The following LVRN variants were observed in gnomAD, a reference collection of about 807,000 sequenced individuals.
LVRN encodes laeverin.
In LVRN, 99 loss-of-function variants were observed where a neutral mutation model predicts 111.4. The observed-to-expected ratio is 0.89, with a 90% CI of 0.76 to 1.05. The LOEUF (loss-of-function observed/expected upper bound fraction) is 1.05. Ranked by LOEUF, LVRN falls within the 50% of genes least tolerant of loss-of-function variation. LVRN has a pLI of 0.00. For synonymous variants in LVRN, 488 were observed against 449.5 expected (o/e 1.09, Z -1.08); for missense variants, 1,414 against 1,206.8 (o/e 1.17, Z -2.54).
chr5:116,027,489 C>A lies in LVRN; in HGVS notation c.*1371C>A, dbSNP rs540432070. On this transcript the variant is annotated 3_prime_UTR_variant, in exon 20 of 20. Coordinates refer to ENST00000357872, the MANE Select transcript of LVRN (RefSeq NM_173800.5). ...CAGGGGAGGCTGTGGGACTTCACCA[C>A]GTGGACAAACGAAAGCACAGGCTAC... 1.3e-5 allele frequency: 2 copies of A among 152,180 alleles called. No homozygotes were observed. The highest frequency in any genetic ancestry group is 2.9e-5 in the Non-Finnish European group (2 of 68,028). The allele number at this position is 152,180 out of a possible 1,614,324, so 9.4% of individuals were successfully genotyped here. A position where few individuals can be genotyped will look rare whatever the true frequency, so the allele number is the denominator to read the frequency against.
At chr5:116,020,287 C>T (rs894973302) in intron 18 of LVRN, among the ~76,000 whole-genome samples, 7 of 152,134 alleles carry the variant, frequency 4.6e-5, no homozygotes, top group Non-Finnish European at 7.3e-5. Flanking sequence ...GTACACATAG[C>T]TATGAATAGG....
At chr5:116,003,764 G>A (rs1462575666) in intron 12 of LVRN, among the ~76,000 whole-genome samples, 4 of 151,956 alleles carry the variant, frequency 2.6e-5, no homozygotes, top group African/African-American at 9.7e-5. Flanking sequence ...TGTATTTTTA[G>A]TAGAGACGGG....
chr5:116,001,339 C>A, intron 10 of LVRN, 100 bp downstream of exon 10: 1 of 1,332,984 alleles, frequency 7.5e-7, no homozygotes, highest in Non-Finnish European at 1.1e-6. Flanking sequence ...CCCCGCTGGG[C>A]ATACACACTT....
chr5:115,982,043 GA>G (rs1753570554), intron 1 of LVRN, among the ~76,000 whole-genome samples: 1 of 152,184 alleles, frequency 6.6e-6, no homozygotes, highest in Non-Finnish European at 1.5e-5. Context: ...GTCTTACAGA[GA>G]AAGTAGCTGG....
chr5:116,022,449 G>C lies in LVRN; in HGVS notation c.2815G>C (p.Asp939His). The change falls in exon 19 of 20, where the codon GAT becomes CAT. Residue 939 changes from aspartate to histidine, a missense_variant. By Grantham distance (81) the Asp-to-His change is moderately conservative (BLOSUM62 -1). Coordinates refer to ENST00000357872, the MANE Select transcript of LVRN (RefSeq NM_173800.5). ...IYTIGRTVTT[D>H]LQIVELQQFF... is the part of the protein sequence containing the mutation. ...TACAATAGGGAGAACCGTAACTACA[G>C]ATTTACAGATTGTGGAGGTAAGTAC... is the stretch of plus-strand genomic sequence containing the variant. 1 of 1,554,228 alleles carries C rather than the reference G, an allele frequency of 6.4e-7. No homozygotes were observed. The highest frequency in any genetic ancestry group is 8.8e-7 in the Non-Finnish European group (1 of 1,141,688).
chr5:115,965,048 C>T (rs576010724), intron 1 of LVRN, among the ~76,000 whole-genome samples: 5 of 152,298 alleles, frequency 3.3e-5, no homozygotes, highest in Admixed American at 2.0e-4. Context: ...AGTCTCTTAA[C>T]CTCTCTGAGT....
At chr5:116,018,527 C>A (rs963417029) in intron 18 of LVRN, among the ~76,000 whole-genome samples, 1 of 151,962 alleles carries the variant, frequency 6.6e-6, no homozygotes, top group Admixed American at 6.6e-5. Context: ...ACAAAAGTAG[C>A]CAGGCATGGT....
Position 116,015,245 on chromosome 5 carries a change from T to G in LVRN, c.2451-7T>G. On this transcript the variant is annotated splice_polypyrimidine_tract_variant and splice_region_variant and intron_variant, in intron 16 of 19. Transcript: ENST00000357872. ...TGAAAAATATCATTTTATGTTATAT[T>G]TTACAGAATACCTTATCCAATTAAA... 1 of 1,563,732 alleles carries G rather than the reference T, an allele frequency of 6.4e-7. No homozygotes were observed. Among genetic ancestry groups the G allele is most frequent in the South Asian group, 1.2e-5 (1 of 81,576 alleles).
At chr5:116,022,543 A>G in intron 19 of LVRN, 77 bp downstream of exon 19, 1 of 931,772 alleles carries the variant, frequency 1.1e-6, no homozygotes, top group Admixed American at 2.3e-5. Flanking sequence ...TGCTAAAATT[A>G]AAAATAATAT....
At position 116,015,625 on chromosome 5, in the gene LVRN, C is replaced by T; in HGVS notation, c.2619-3C>T. ...TGTATTTTTTGAAAATGCACTTTTG[C>T]AGATATATGGAGTATGCCATCAGCA... On this transcript the variant is annotated splice_polypyrimidine_tract_variant and splice_region_variant and intron_variant, in intron 17 of 19. Transcript: ENST00000357872. 1 of 1,585,296 alleles carries T rather than the reference C, an allele frequency of 6.3e-7. No individual in the cohort carries two copies. Among genetic ancestry groups the T allele is most frequent in the South Asian group, 1.2e-5 (1 of 85,072 alleles).
chr5:116,015,609 TGAAAATGCA>T lies in LVRN; in HGVS notation c.2619-18_2619-10del. 6.3e-7 allele frequency: 1 copy of T among 1,582,092 alleles called. No individual in the cohort carries two copies. Among genetic ancestry groups the T allele is most frequent in the African/African-American group, 1.4e-5 (1 of 73,618 alleles). ...TGTTGGATGTTTAAAATGTATTTTT[TGAAAATGCA>T]CTTTTGCAGATATATGGAGTATGCC... On this transcript the variant is annotated splice_polypyrimidine_tract_variant and intron_variant, in intron 17 of 19. Coordinates refer to ENST00000357872, the MANE Select transcript of LVRN (RefSeq NM_173800.5).
chr5:116,003,364 T>C lies in LVRN; in HGVS notation c.2021T>C (p.Leu674Pro). 2.0e-6 allele frequency: 3 copies of C among 1,464,176 alleles called. No homozygotes were observed. The highest frequency in any genetic ancestry group is 2.8e-6 in the Non-Finnish European group (3 of 1,078,614). 90.7% of individuals were successfully genotyped at this position (1,464,176 alleles called of 1,614,324 possible). Residue 674 changes from leucine to proline, a missense_variant, in exon 12 of 20, where the codon CTT (leucine) becomes CCT (proline). Leu to Pro is a moderately conservative substitution (Grantham distance 98). Coordinates refer to ENST00000357872, the MANE Select transcript of LVRN (RefSeq NM_173800.5). ...KLGWKKLNQQ[L>P]EKDPKAIPVI... ...GGTTGGAAGAAACTAAATCAACAAC[T>C]TGAAAAGGATCCTAAGGTAAGGTTA...
chr5:116,013,778 C>G (rs1748540791), intron 15 of LVRN, among the ~76,000 whole-genome samples: 1 of 152,136 alleles, frequency 6.6e-6, no homozygotes, highest in South Asian at 2.1e-4. Flanking sequence ...CACAAGGCAT[C>G]ACTTACCTGG....
At chr5:115,983,886 G>A (rs577890524) in intron 2 of LVRN, among the ~76,000 whole-genome samples, 39 of 152,242 alleles carry the variant, frequency 2.6e-4, no homozygotes, top group African/African-American at 7.9e-4. Flanking sequence ...CAGCTCTTAC[G>A]TGGCAGTGAT....
intron 1 of LVRN, among the ~76,000 whole-genome samples, 163 bp from the exon 2 acceptor site, chr5:115,983,124 G>A (rs1330754632): frequency 6.6e-6 from 1 of 152,184 alleles, no homozygotes; most frequent in African/African-American, 2.4e-5. Context: ...AAGGTGCCAT[G>A]ATAATTGGAG....
At chr5:116,021,121 A>G (rs1748719856) in intron 18 of LVRN, 1 of 152,194 alleles carries the variant, frequency 6.6e-6, no homozygotes, top group Non-Finnish European at 1.5e-5. Flanking sequence ...GTGCTTCCAT[A>G]TACATTTTCT....
At chr5:115,986,682 CAGAT>C (rs1747872003) in intron 3 of LVRN, among the ~76,000 whole-genome samples, 1 of 152,068 alleles carries the variant, frequency 6.6e-6, no homozygotes, top group African/African-American at 2.4e-5. Flanking sequence ...CATTAAGTAA[CAGAT>C]AAAGATTTCA....
At chr5:115,988,971 C>A (rs1015957998) in intron 4 of LVRN, among the ~76,000 whole-genome samples, 2 of 152,074 alleles carry the variant, frequency 1.3e-5, no homozygotes, top group Non-Finnish European at 2.9e-5. Context: ...TTGAAGCACA[C>A]CCTCTATCTA....
intron 15 of LVRN, among the ~76,000 whole-genome samples, chr5:116,014,048 T>C (rs539165556): frequency 6.6e-6 from 1 of 152,322 alleles, no homozygotes; most frequent in East Asian, 1.9e-4. Context: ...TTAGATTAGA[T>C]ACTCTGAAAT....
Sources: gnomAD v4.1 joint callset for allele counts (sites outside exome capture counted in the v4.1 genomes callset) on GRCh38, gnomAD v4.1.1 for gene constraint, MANE v1.5 for transcripts, NCBI Gene and HGNC (gene_info 2026-07-23, HGNC 2026-07-21) for gene names.